AGMO: variants seen among roughly 807,000 people sequenced by gnomAD.
AGMO encodes the protein alkylglycerol monooxygenase.
A neutral mutation model predicts 60.2 loss-of-function variants in AGMO; 75 were observed. The observed-to-expected ratio is 1.25, with a 90% confidence interval of 1.03 to 1.51. AGMO has a LOEUF of 1.51. Among genes scored for constraint, AGMO ranks in the 40% most tolerant of loss-of-function variants. The pLI, the probability that AGMO is intolerant of heterozygous loss-of-function variation, is 0.00. For missense variants in AGMO, 763 were observed against 525.5 expected, an observed-to-expected ratio of 1.45 and a Z score of -4.42; for synonymous variants, 261 against 177.1, an observed-to-expected ratio of 1.47 and a Z score of -3.76.
intron 12 of AGMO, among the ~76,000 whole-genome samples, chr7:15,236,786 G>A (rs553720797): frequency 1.3e-5 from 2 of 151,868 alleles, no homozygotes; most frequent in Non-Finnish European, 2.9e-5. Flanking sequence ...AAAAAATGGA[G>A]TCTAGTTACT....
At chr7:15,513,735 T>A (rs551112937) in intron 3 of AGMO, among the ~76,000 whole-genome samples, 1 of 152,302 alleles carries the variant, frequency 6.6e-6, no homozygotes, top group African/African-American at 2.4e-5. Flanking sequence ...CAAGACAGTT[T>A]TTATTTTTCA....
At chr7:15,553,665 C>G (rs570065352) in intron 2 of AGMO, among the ~76,000 whole-genome samples, 276 of 152,134 alleles carry the variant, frequency 1.8e-3, no homozygotes, top group African/African-American at 6.5e-3. Context: ...ATACCAAGAT[C>G]TCAATAACAG....
chr7:15,364,607 T>A (rs1169087428), intron 12 of AGMO, among the ~76,000 whole-genome samples: 1 of 152,072 alleles, frequency 6.6e-6, no homozygotes, highest in Non-Finnish European at 1.5e-5. Flanking sequence ...TTCGCGTGTG[T>A]GAGTATATCA....
At chr7:15,486,792 A>T (rs1279427731) in intron 3 of AGMO, among the ~76,000 whole-genome samples, 1 of 152,206 alleles carries the variant, frequency 6.6e-6, no homozygotes, top group Non-Finnish European at 1.5e-5. Flanking sequence ...CATGTCCATG[A>T]GTGGGGGAAT....
the AGMO span, among the ~76,000 whole-genome samples, chr7:15,127,206 G>T: frequency 6.6e-6 from 1 of 152,014 alleles, no homozygotes; most frequent in Non-Finnish European, 1.5e-5. Flanking sequence ...CCTCCTGAGG[G>T]CTGTGTCACA....
At chr7:15,523,908 G>T (rs1583643649) in intron 3 of AGMO, among the ~76,000 whole-genome samples, 1 of 152,042 alleles carries the variant, frequency 6.6e-6, no homozygotes, top group African/African-American at 2.4e-5. Context: ...ACATGGTATG[G>T]TCATAGTAAG....
At chr7:15,398,047 A>T (rs1450516254) in intron 5 of AGMO, among the ~76,000 whole-genome samples, 1 of 152,234 alleles carries the variant, frequency 6.6e-6, no homozygotes, top group Non-Finnish European at 1.5e-5. Context: ...TCTATGACAG[A>T]GAACCAGATG....
In AGMO at chr7:15,423,861, C is replaced by G. The variant is rs73286491; in HGVS notation, c.514-5208G>C. On this transcript the variant is annotated intron_variant, in intron 4 of 12. Coordinates refer to ENST00000342526, the MANE Select transcript of AGMO (RefSeq NM_001004320.2). ...CAAAAGGAACTAACCCTGCTGCCAT[C>G]TTGATGTCAGGCTTCCAGCTTTCAG... Among the ~76,000 whole-genome samples, 135 of 152,262 alleles carry G rather than the reference C, an allele frequency of 8.9e-4. 1 individual carries two copies. Among genetic ancestry groups the G allele is most frequent in the African/African-American group, 3.2e-3 (131 of 41,568 alleles).
Position 15,436,020 on chromosome 7 carries a change from C to T in AGMO, c.410-4912G>A, listed in dbSNP as rs74699972. Among the ~76,000 whole-genome samples the T allele has an allele frequency of 3.7e-4, 57 of 152,120 alleles. 1 individual carries two copies. In the East Asian group the frequency reaches 9.9e-3, roughly 26 times the overall value. ...TAGTGGGCAGGCCAAGAAGTCTTGG[C>T]GCAACCTTGGAATGATGATGTTGGT... On this transcript the variant is annotated intron_variant, in intron 3 of 12. Transcript: ENST00000342526.
chr7:15,411,654 G>C (rs1461712764), intron 5 of AGMO, among the ~76,000 whole-genome samples: 2 of 151,686 alleles, frequency 1.3e-5, no homozygotes, highest in Non-Finnish European at 2.9e-5. Flanking sequence ...TATTTAATTT[G>C]ATAACGAATA....
At chr7:15,145,506 A>G in the AGMO span, among the ~76,000 whole-genome samples, 3 of 152,172 alleles carry the variant, frequency 2.0e-5, no homozygotes, top group Non-Finnish European at 4.4e-5. Flanking sequence ...AGTAAATAAC[A>G]GAATAGAAAT....
chr7:15,205,818 C>T (rs916399054), intron 12 of AGMO, among the ~76,000 whole-genome samples: 2 of 151,978 alleles, frequency 1.3e-5, no homozygotes, highest in East Asian at 3.8e-4. Context: ...GTATTCTAAA[C>T]AAATGTATAC....
At chr7:15,464,984 C>A (rs113934580) in intron 3 of AGMO, among the ~76,000 whole-genome samples, 1 of 152,070 alleles carries the variant, frequency 6.6e-6, no homozygotes, top group Non-Finnish European at 1.5e-5. Flanking sequence ...AATGACTGCT[C>A]GACACTTGCT....
At chr7:15,416,534 T>C (rs1304516846) in intron 5 of AGMO, among the ~76,000 whole-genome samples, 1 of 152,188 alleles carries the variant, frequency 6.6e-6, no homozygotes, top group Admixed American at 6.5e-5. Flanking sequence ...AGTATCTTCT[T>C]AAGATCATAT....
intron 3 of AGMO, among the ~76,000 whole-genome samples, chr7:15,433,592 GATC>G (rs1400707844): frequency 1.3e-5 from 2 of 152,020 alleles, no homozygotes; most frequent in Non-Finnish European, 2.9e-5. Context: ...GCATTTATAT[GATC>G]ATCTTCCCTA....
At chr7:15,389,073 A>T (rs1784037336) in intron 8 of AGMO, among the ~76,000 whole-genome samples, 1 of 152,166 alleles carries the variant, frequency 6.6e-6, no homozygotes, top group African/African-American at 2.4e-5. Flanking sequence ...ATTCTGTCTC[A>T]ATTATAAATG....
At chr7:15,299,886 C>CACACACAA (rs774065679) in intron 12 of AGMO, among the ~76,000 whole-genome samples, 3,096 of 114,630 alleles carry the variant, frequency 0.027, 161 homozygotes, top group Admixed American at 0.03. Flanking sequence ...CACACACACA[C>CACACACAA]AGTATGTTTT....
At chr7:15,561,596 A>AATT in intron 1 of AGMO, 124 bp downstream of exon 1, 4 of 1,017,214 alleles carry the variant, frequency 3.9e-6, no homozygotes, top group Non-Finnish European at 5.3e-6. Flanking sequence ...TAAGAAACTG[A>AATT]ATTATTATTA....
chr7:15,366,296 CA>C, intron 10 of AGMO, 74 bp from the exon 11 acceptor site: 1 of 1,058,058 alleles, frequency 9.5e-7, no homozygotes, highest in Non-Finnish European at 1.4e-6. Flanking sequence ...TTAAAGCTTA[CA>C]AAACAGCCCA....
Sources: gnomAD v4.1 joint callset for allele counts (sites outside exome capture counted in the v4.1 genomes callset) on GRCh38, gnomAD v4.1.1 for gene constraint, MANE v1.5 for transcripts, NCBI Gene and HGNC (gene_info 2026-07-23, HGNC 2026-07-21) for gene names.